Variants in AMACR observed in about 807,000 individuals in gnomAD.
AMACR encodes the protein 2-methylacyl-CoA racemase.
A neutral mutation model predicts 22.2 loss-of-function variants in AMACR; 18 were observed. The ratio of observed to expected loss-of-function variants is 0.81; its 90% confidence interval spans 0.56 to 1.20. The LOEUF (loss-of-function observed/expected upper bound fraction) is 1.20. Among genes scored for constraint, AMACR ranks in the 50% most tolerant of loss-of-function variants. AMACR has a pLI of 0.00. For missense variants in AMACR, 499 were observed against 490.6 expected, an observed-to-expected ratio of 1.02 and a Z score of -0.16; for synonymous variants, 213 against 191.3, an observed-to-expected ratio of 1.11 and a Z score of -0.94.
At chr5:33,997,985 T>A (rs1431527842) in intron 4 of AMACR, among the ~76,000 whole-genome samples, 1 of 152,118 alleles carries the variant, frequency 6.6e-6, no homozygotes, top group Non-Finnish European at 1.5e-5. Context: ...CACTTCAGAG[T>A]ATATTCTAAA....
At chr5:34,004,552 A>G in intron 3 of AMACR, 22 bp downstream of exon 3, 1 of 1,614,026 alleles carries the variant, frequency 6.2e-7, no homozygotes, top group Middle Eastern at 1.7e-4. Context: ...AGTGGCAGGC[A>G]TCTACCCCAA....
chr5:33,989,674 T>C (rs1228857058), intron 4 of AMACR, among the ~76,000 whole-genome samples, 172 bp from the exon 5 acceptor site: 6 of 152,168 alleles, frequency 3.9e-5, no homozygotes, highest in Admixed American at 3.9e-4. Flanking sequence ...AGCCAAAGGC[T>C]AGAGAGGGCA....
Position 33,988,850 on chromosome 5 carries a change from G to A in AMACR, c.*243C>T, listed in dbSNP as rs1753379438. 3.7e-6 allele frequency: 5 copies of A among 1,352,564 alleles called. No individual in the cohort carries two copies. The East Asian group carries it at 8.8e-5, about 24-fold the overall frequency. The allele number at this position is 1,352,564 out of a possible 1,614,324, so 83.8% of individuals were successfully genotyped here. A position where few individuals can be genotyped will look rare whatever the true frequency, so the allele number is the denominator to read the frequency against. On this transcript the variant is annotated 3_prime_UTR_variant, in exon 5 of 5. Coordinates refer to ENST00000335606, the MANE Select transcript of AMACR (RefSeq NM_014324.6). Reference sequence around the variant, plus strand: ...TATCAACAAATATATCAAGCAAACTGGAAGGCAGAATAACTACCATAATTT... The same window carrying A: ...TATCAACAAATATATCAAGCAAACTAGAAGGCAGAATAACTACCATAATTT...
Position 33,986,917 on chromosome 5 carries a change from CCT to C in AMACR, c.*2174_*2175del, listed in dbSNP as rs1753309613. 6.6e-6 allele frequency: 1 copy of C among 152,196 alleles called. No homozygotes were observed. Among genetic ancestry groups the C allele is most frequent in the Admixed American group, 6.5e-5 (1 of 15,280 alleles). The allele number at this position is 152,196 out of a possible 1,614,324, so 9.4% of individuals were successfully genotyped here. On this transcript the variant is annotated 3_prime_UTR_variant, in exon 5 of 5. Coordinates refer to ENST00000335606, the MANE Select transcript of AMACR (RefSeq NM_014324.6). The stretch of plus-strand genomic sequence containing the variant: ...CAGTGGAATTCTTTATATTAAATTT[CCT>C]CTGTTTTAAAGACTTCGAGTGGGTT...
intron 4 of AMACR, among the ~76,000 whole-genome samples, chr5:33,997,977 C>G (rs1374776873): frequency 6.6e-6 from 1 of 152,028 alleles, no homozygotes; most frequent in Admixed American, 6.6e-5. Context: ...TTTCACATCA[C>G]TTCAGAGTAT....
intron 1 of AMACR, among the ~76,000 whole-genome samples, chr5:34,006,659 C>T (rs1753987994): frequency 6.6e-6 from 1 of 152,218 alleles, no homozygotes; most frequent in East Asian, 1.9e-4. Context: ...CTTGGACAAG[C>T]CTCCCTCATC....
rs955218171 is a variant in AMACR, at chr5:33,986,233, C to T, written c.*2860G>A. The T allele has an allele frequency of 2.6e-5, 4 of 152,288 alleles. No homozygotes were observed. The highest frequency in any genetic ancestry group is 9.6e-5 in the African/African-American group (4 of 41,558). 9.4% of individuals were successfully genotyped at this position (152,288 alleles called of 1,614,324 possible). A position where few individuals can be genotyped will look rare whatever the true frequency, so the allele number is the denominator to read the frequency against. The stretch of plus-strand genomic sequence containing the variant: ...CTACAAGTTTTCCACACACACAGCT[C>T]AGGAGTGAAATAACTAGATTTAAAA... On this transcript the variant is annotated 3_prime_UTR_variant, in exon 5 of 5. Coordinates refer to ENST00000335606, the MANE Select transcript of AMACR (RefSeq NM_014324.6).
chr5:33,991,921 T>A (rs1207719106), intron 4 of AMACR, among the ~76,000 whole-genome samples: 3 of 151,942 alleles, frequency 2.0e-5, no homozygotes, highest in Non-Finnish European at 4.4e-5. Flanking sequence ...CACTATTGCC[T>A]GGGCTGGAGT....
At chr5:34,000,269 C>T (rs879935899) in intron 3 of AMACR, among the ~76,000 whole-genome samples, 1 of 152,142 alleles carries the variant, frequency 6.6e-6, no homozygotes, top group Non-Finnish European at 1.5e-5. Context: ...AGCCTAACGC[C>T]GAATCAATAG....
rs2112030967 is a variant in AMACR at position 33,988,635 on chromosome 5, C to T, written c.*458G>A. 1 of 1,265,232 alleles carries T rather than the reference C, an allele frequency of 7.9e-7. No homozygotes were observed. The allele number at this position is 1,265,232 out of a possible 1,614,324, so 78.4% of individuals were successfully genotyped here. Reference sequence around the variant, plus strand: ...TGTGCTTAGAGGGAGATCATGAACACCAAGACAAAAGGCCTGGATGCAACC... The same window carrying T: ...TGTGCTTAGAGGGAGATCATGAACATCAAGACAAAAGGCCTGGATGCAACC... On this transcript the variant is annotated 3_prime_UTR_variant, in exon 5 of 5. Transcript: ENST00000335606.
At chr5:33,999,293 A>G (rs7730130) in intron 3 of AMACR, among the ~76,000 whole-genome samples, 17 of 152,350 alleles carry the variant, frequency 1.1e-4, no homozygotes, top group Admixed American at 5.9e-4. Context: ...GGTAAATCAC[A>G]TAAGAGTAAA....
intron 3 of AMACR, among the ~76,000 whole-genome samples, chr5:34,001,788 C>T (rs558919358): frequency 1.5e-4 from 23 of 152,274 alleles, no homozygotes; most frequent in South Asian, 4.1e-4. Context: ...TGAAAACTTT[C>T]GGCCCATTAG....
At position 33,998,662 on chromosome 5, in the gene AMACR, A is replaced by C; in HGVS notation, c.718T>G (p.Phe240Val). The C allele has an allele frequency of 6.2e-7, 1 of 1,611,276 alleles. No homozygotes were observed. Among genetic ancestry groups the C allele is most frequent in the Non-Finnish European group, 8.5e-7 (1 of 1,178,000 alleles). Residue 240 changes from phenylalanine (F) to valine (V), a missense_variant, in exon 4 of 5, where the codon TTC becomes GTC. Phe to Val is a conservative substitution (Grantham distance 50). Coordinates refer to ENST00000335606, the MANE Select transcript of AMACR (RefSeq NM_014324.6). The part of the protein sequence containing the change: ...FMAVGAIEPQ[F>V]YELLIKGLGL... The stretch of plus-strand genomic sequence containing the variant: ...TTACCTTTGATCAGCAGCTCGTAGA[A>C]CTGGGGTTCTATTGCTCCAACAGCC...
chr5:33,995,207 CAG>C (rs759858809), intron 4 of AMACR, among the ~76,000 whole-genome samples: 4 of 152,214 alleles, frequency 2.6e-5, no homozygotes, highest in Admixed American at 6.5e-5. Flanking sequence ...ACTAGGTTGT[CAG>C]GTTGACTGCT....
Position 34,004,570 on chromosome 5 carries a change from T to A in AMACR, c.552+4A>T. ...GGCAGGCATCTACCCCAATTAATAC[T>A]TACCATATTTGCATCAATGACCTGA... On this transcript the variant is annotated splice_donor_region_variant and intron_variant, in intron 3 of 4. Transcript: ENST00000335606. 1 of 1,614,066 alleles carries A rather than the reference T, an allele frequency of 6.2e-7. No homozygotes were observed. The highest frequency in any genetic ancestry group is 8.5e-7 in the Non-Finnish European group (1 of 1,179,942).
chr5:34,006,625 C>T (rs965640146), intron 1 of AMACR, among the ~76,000 whole-genome samples: 1 of 152,204 alleles, frequency 6.6e-6, no homozygotes, highest in African/African-American at 2.4e-5. Flanking sequence ...TATTCCCAGC[C>T]GACCTTCCTC....
chr5:34,007,210 A>T (rs1472012319), intron 1 of AMACR, among the ~76,000 whole-genome samples: 1 of 152,222 alleles, frequency 6.6e-6, no homozygotes, highest in Non-Finnish European at 1.5e-5. Flanking sequence ...GGACCTGTGT[A>T]TGCCAGCGTC....
At chr5:34,001,333 G>A (rs1359727710) in intron 3 of AMACR, among the ~76,000 whole-genome samples, 1 of 152,232 alleles carries the variant, frequency 6.6e-6, no homozygotes, top group Non-Finnish European at 1.5e-5. Context: ...AGGACTTATG[G>A]ACGGAAAATG....
At chr5:33,989,793 AT>A (rs1753419705) in intron 4 of AMACR, among the ~76,000 whole-genome samples, 1 of 152,140 alleles carries the variant, frequency 6.6e-6, no homozygotes. Context: ...CTCTGAGTAG[AT>A]TTTGAAAAAA....
Sources: allele counts gnomAD v4.1 joint callset (sites outside exome capture counted in the v4.1 genomes callset), GRCh38; gene constraint gnomAD v4.1.1; transcripts MANE v1.5; gene names NCBI Gene and HGNC (gene_info 2026-07-23, HGNC 2026-07-21).